OGFRL1: variants seen among roughly 807,000 people sequenced by gnomAD.
OGFRL1 encodes the protein opioid growth factor receptor-like protein 1.
Under a neutral mutation model 32.4 loss-of-function variants are expected in OGFRL1, and 26 were observed. The observed-to-expected ratio is 0.80, with a 90% CI of 0.59 to 1.11. The LOEUF is 1.11. Ranked by LOEUF, OGFRL1 falls within the 50% of genes most tolerant of loss-of-function variation. The pLI, the probability that OGFRL1 is intolerant of heterozygous loss-of-function variation, is 0.00. For missense variants in OGFRL1, 521 were observed against 546.4 expected (o/e 0.95, Z 0.46); for synonymous variants, 211 against 201.2 (o/e 1.05, Z -0.41).
In OGFRL1 at chr6:71,304,820, T is replaced by C. The variant is rs1766498171; in HGVS notation, c.*2771T>C. 4 of 152,100 alleles carry C rather than the reference T, an allele frequency of 2.6e-5. No homozygotes were observed. The highest frequency in any genetic ancestry group is 9.6e-5 in the African/African-American group (4 of 41,454). The allele number at this position is 152,100 out of a possible 1,614,324, so 9.4% of individuals were successfully genotyped here. ...TATTCATATATAATAGTATGTTTCT[T>C]ACATTTAATCCCTAAATAACTTAGA... is the stretch of plus-strand genomic sequence containing the variant. On this transcript the variant is annotated 3_prime_UTR_variant, in exon 7 of 7. Coordinates refer to ENST00000370435, the MANE Select transcript of OGFRL1 (RefSeq NM_024576.5).
chr6:71,301,758 T>G lies in OGFRL1; in HGVS notation c.1065T>G (p.Ala355=), dbSNP rs763170227. The G allele has an allele frequency of 1.9e-6, 3 of 1,613,954 alleles. No homozygotes were observed. The South Asian group carries it at 3.3e-5, about 18-fold the overall frequency. Residue 355 remains alanine (A), a synonymous_variant, in exon 7 of 7, where the codon GCT becomes GCG. Coordinates refer to ENST00000370435, the MANE Select transcript of OGFRL1 (RefSeq NM_024576.5). ...KAKDSKNSSS[A]VHLNSKTAED... is the part of the protein sequence containing the mutation. ...AGGACTCCAAAAATTCCTCCTCAGC[T>G]GTTCATTTAAATAGCAAAACAGCTG...
intron 1 of OGFRL1, chr6:71,289,532 T>TAG (rs1765975059): frequency 2.6e-6 from 2 of 765,620 alleles, no homozygotes. Flanking sequence ...ACAACCCCTC[T>TAG]AGTGTGTGTT....
rs560427561 is a variant in OGFRL1, at chr6:71,289,096, C to A, written c.160C>A (p.Pro54Thr). 24 of 1,117,524 alleles carry A rather than the reference C, an allele frequency of 2.1e-5. No individual in the cohort carries two copies. In the South Asian group the frequency reaches 8.2e-4, roughly 38 times the overall value. The allele number at this position is 1,117,524 out of a possible 1,614,324, so 69.2% of individuals were successfully genotyped here. ...GGAGTCCGAGCAGCCCGCGCAGCCC[C>A]CGGAGCAAGCCGGCGGGCGGCCCGG... is the stretch of plus-strand genomic sequence containing the variant. Reference protein sequence around the residue: ...GQESEQPAQPPEQAGGRPGAS... With the variant: ...GQESEQPAQPTEQAGGRPGAS... Residue 54 changes from proline to threonine, a missense_variant, in exon 1 of 7, where the codon CCG becomes ACG. By Grantham distance (38) the Pro-to-Thr change is conservative (BLOSUM62 -1). Transcript: ENST00000370435.
chr6:71,289,143 G>C lies in OGFRL1; in HGVS notation c.207G>C (p.Glu69Asp). ...GRPGASPAPD[E>D]DAEAAGAEQG... ...CCGGCGCCAGCCCCGCGCCGGACGA[G>C]GACGCCGAGGCGGCGGGCGCCGAGC... Residue 69 changes from glutamate to aspartate, a missense_variant, in exon 1 of 7, where the codon GAG becomes GAC. Physicochemically the swap from Glu to Asp is conservative, Grantham distance 45. Coordinates refer to ENST00000370435, the MANE Select transcript of OGFRL1 (RefSeq NM_024576.5). 2 of 1,094,942 alleles carry C rather than the reference G, an allele frequency of 1.8e-6. No homozygotes were observed. Among genetic ancestry groups the C allele is most frequent in the African/African-American group, 3.4e-5 (2 of 59,430 alleles). The allele number at this position is 1,094,942 out of a possible 1,614,324, so 67.8% of individuals were successfully genotyped here.
Position 71,301,591 on chromosome 6 carries a change from G to C in OGFRL1, c.898G>C (p.Ala300Pro), listed in dbSNP as rs757418904. The stretch of plus-strand genomic sequence containing the variant: ...AGAAAGGAGAAAGCTCCTGCGGTTC[G>C]CCCAGAAACACTACACGCCTTCAGA... ...RRERRKLLRFAQKHYTPSENF... is the reference protein window; with the variant it reads ...RRERRKLLRFPQKHYTPSENF... The change falls in exon 7 of 7, where the codon GCC becomes CCC. Residue 300 changes from alanine to proline, a missense_variant. Transcript: ENST00000370435. 6.2e-7 allele frequency: 1 copy of C among 1,614,092 alleles called. No homozygotes were observed. Among genetic ancestry groups the C allele is most frequent in the Non-Finnish European group, 8.5e-7 (1 of 1,180,018 alleles).
At chr6:71,293,068 AAT>A (rs1238292344) in intron 1 of OGFRL1, among the ~76,000 whole-genome samples, 1 of 152,200 alleles carries the variant, frequency 6.6e-6, no homozygotes, top group Non-Finnish European at 1.5e-5. Flanking sequence ...TTTATTCAGT[AAT>A]ATATCTTAGG....
At chr6:71,295,130 C>T (rs1766164870) in intron 3 of OGFRL1, 1 of 152,082 alleles carries the variant, frequency 6.6e-6, no homozygotes, top group African/African-American at 2.4e-5. Flanking sequence ...CTAGTATACA[C>T]ACACACGCAC....
chr6:71,296,330 A>G lies in OGFRL1; in HGVS notation c.414A>G (p.Glu138=). ...TTTACTATTTAGGTGTTTACATTGA[A>G]GAAGTTCTAAGTAAATGGAAAGGAG... ...IPFKPDGVYI[E]EVLSKWKGDY... Residue 138 remains glutamate (E), a synonymous_variant, in exon 4 of 7, where the codon GAA becomes GAG. Transcript: ENST00000370435. 2 of 1,604,574 alleles carry G rather than the reference A, an allele frequency of 1.2e-6. No individual in the cohort carries two copies. The highest frequency in any genetic ancestry group is 1.7e-6 in the Non-Finnish European group (2 of 1,172,386).
intron 6 of OGFRL1, among the ~76,000 whole-genome samples, chr6:71,300,542 G>C (rs1028793847): frequency 6.6e-6 from 1 of 152,002 alleles, no homozygotes; most frequent in African/African-American, 2.4e-5. Context: ...ATTAGGTTAA[G>C]TTGGATAGGT....
rs772160876 is a variant in OGFRL1 at position 71,293,582 on chromosome 6, A to G, written c.371A>G (p.Tyr124Cys). The G allele has an allele frequency of 1.2e-6, 2 of 1,612,652 alleles. No individual in the cohort carries two copies. Among genetic ancestry groups the G allele is most frequent in the Non-Finnish European group, 1.7e-6 (2 of 1,178,986 alleles). ...AATGACTTGAGCAATCTTCGTTTTTATAAGAATAAAATTCCATTCAAGCCA... is the reference window on the plus strand; with the variant it reads ...AATGACTTGAGCAATCTTCGTTTTTGTAAGAATAAAATTCCATTCAAGCCA... ...YQNDLSNLRF[Y>C]KNKIPFKPDG... Residue 124 changes from tyrosine to cysteine, a missense_variant, in exon 3 of 7, where the codon TAT (tyrosine) becomes TGT (cysteine). Coordinates refer to ENST00000370435, the MANE Select transcript of OGFRL1 (RefSeq NM_024576.5).
intron 1 of OGFRL1, chr6:71,291,731 AT>A (rs1395339125): frequency 6.6e-6 from 1 of 152,222 alleles, no homozygotes; most frequent in East Asian, 1.9e-4. Flanking sequence ...TTCAGAGATG[AT>A]AAAACTAAGA....
chr6:71,289,027 C>A lies in OGFRL1; in HGVS notation c.91C>A (p.Pro31Thr), dbSNP rs1391363535. 1.3e-5 allele frequency: 18 copies of A among 1,351,168 alleles called. No homozygotes were observed. Among genetic ancestry groups the A allele is most frequent in the Non-Finnish European group, 1.6e-5 (17 of 1,034,422 alleles). The allele number at this position is 1,351,168 out of a possible 1,614,324, so 83.7% of individuals were successfully genotyped here. Residue 31 changes from proline to threonine, a missense_variant, in exon 1 of 7, where the codon CCC (proline) becomes ACC (threonine). Physicochemically the swap from Pro to Thr is conservative, Grantham distance 38. Coordinates refer to ENST00000370435, the MANE Select transcript of OGFRL1 (RefSeq NM_024576.5). Reference protein sequence around the residue: ...STWQTDSEPEPEEPGPGGGSE... With the variant: ...STWQTDSEPETEEPGPGGGSE... ...CTGGCAGACCGACTCGGAGCCCGAG[C>A]CCGAAGAACCAGGGCCGGGCGGCGG...
chr6:71,293,268 A>G, intron 1 of OGFRL1, 25 bp from the exon 2 acceptor site: 2 of 1,590,706 alleles, frequency 1.3e-6, no homozygotes, highest in Non-Finnish European at 1.7e-6. Context: ...TCAACATGTA[A>G]ACGGAGTTTC....
chr6:71,297,269 A>G (rs1032781255), intron 6 of OGFRL1, among the ~76,000 whole-genome samples: 5 of 152,076 alleles, frequency 3.3e-5, no homozygotes, highest in Non-Finnish European at 5.9e-5. Context: ...TCATTTTATA[A>G]GAATGAGATG....
intron 3 of OGFRL1, chr6:71,295,603 C>T (rs1312221430): frequency 6.6e-6 from 1 of 152,110 alleles, no homozygotes; most frequent in East Asian, 1.9e-4. Flanking sequence ...ACAAATCTCC[C>T]AGTTTCTTCA....
chr6:71,301,820 A>G lies in OGFRL1; in HGVS notation c.1127A>G (p.Glu376Gly). 1 of 1,613,222 alleles carries G rather than the reference A, an allele frequency of 6.2e-7. No homozygotes were observed. Among genetic ancestry groups the G allele is most frequent in the Non-Finnish European group, 8.5e-7 (1 of 1,179,796 alleles). Residue 376 changes from glutamate (E) to glycine (G), a missense_variant, in exon 7 of 7, where the codon GAG becomes GGG. Transcript: ENST00000370435. ...GTGGCACCAAAAGAGCCTGTGGAAG[A>G]GACAGACAGGCCCAGCCCAGAGCCC... Reference protein sequence around the residue: ...KKVAPKEPVEETDRPSPEPSN... With the variant: ...KKVAPKEPVEGTDRPSPEPSN...
chr6:71,296,866 C>T (rs776115385), intron 6 of OGFRL1, 49 bp downstream of exon 6: 10 of 1,571,492 alleles, frequency 6.4e-6, no homozygotes, highest in African/African-American at 1.4e-5. Flanking sequence ...GTTATTTTCC[C>T]TTGGTCAGAG....
In OGFRL1 at chr6:71,301,627, T is replaced by A; in HGVS notation, c.934T>A (p.Trp312Arg). ...KHYTPSENFIWGPPRKEQSEG... is the reference protein window; with the variant it reads ...KHYTPSENFIRGPPRKEQSEG... ...CTACACGCCTTCAGAGAACTTTATC[T>A]GGGGACCGCCTCGAAAAGAACAGTC... The change falls in exon 7 of 7, where the codon TGG becomes AGG. Residue 312 changes from tryptophan (W) to arginine (R), a missense_variant. Coordinates refer to ENST00000370435, the MANE Select transcript of OGFRL1 (RefSeq NM_024576.5). The A allele has an allele frequency of 6.2e-7, 1 of 1,614,134 alleles. No individual in the cohort carries two copies. Among genetic ancestry groups the A allele is most frequent in the East Asian group, 2.2e-5 (1 of 44,878 alleles).
At position 71,304,173 on chromosome 6, in the gene OGFRL1, C is replaced by T. The variant is rs1382011759; in HGVS notation, c.*2124C>T. On this transcript the variant is annotated 3_prime_UTR_variant, in exon 7 of 7. Coordinates refer to ENST00000370435, the MANE Select transcript of OGFRL1 (RefSeq NM_024576.5). ...TAATTTTTTATATGAATCTCAGTAG[C>T]ACTTTTGTTGTACATTGTGTTCCAA... The T allele has an allele frequency of 6.6e-6, 1 of 152,118 alleles. No individual in the cohort carries two copies. Among genetic ancestry groups the T allele is most frequent in the Non-Finnish European group, 1.5e-5 (1 of 67,992 alleles). 9.4% of individuals were successfully genotyped at this position (152,118 alleles called of 1,614,324 possible). A position where few individuals can be genotyped will look rare whatever the true frequency, so the allele number is the denominator to read the frequency against.
Sources: allele counts gnomAD v4.1 joint callset (sites outside exome capture counted in the v4.1 genomes callset), GRCh38; gene constraint gnomAD v4.1.1; transcripts MANE v1.5; gene names NCBI Gene and HGNC (gene_info 2026-07-23, HGNC 2026-07-21).